CPA5: variants seen among roughly 807,000 people sequenced by gnomAD.
The protein encoded by CPA5 is testicular tissue protein Li 32.
A neutral mutation model predicts 52.2 loss-of-function variants in CPA5; 38 were observed. The ratio of observed to expected loss-of-function variants is 0.73; its 90% CI spans 0.56 to 0.95. The LOEUF (loss-of-function observed/expected upper bound fraction) is 0.95, where lower values mean the gene tolerates loss of function less well. Among genes scored for constraint, CPA5 ranks in the 40% least tolerant of loss-of-function variants. CPA5 has a pLI of 0.00. For synonymous variants in CPA5, 198 were observed against 213.7 expected (o/e 0.93, Z 0.64); for missense variants, 519 against 566.7 (o/e 0.92, Z 0.86).
intron 5 of CPA5, among the ~76,000 whole-genome samples, chr7:130,357,117 T>A (rs564419892): frequency 1.3e-5 from 2 of 152,344 alleles, no homozygotes; most frequent in East Asian, 3.9e-4. Context: ...CTGGAAAACA[T>A]CGCAACTGTA....
chr7:130,353,640 C>T (rs1465560028), intron 5 of CPA5, among the ~76,000 whole-genome samples: 3 of 152,184 alleles, frequency 2.0e-5, no homozygotes, highest in Non-Finnish European at 2.9e-5. Flanking sequence ...AACTCCCCAT[C>T]AACAACAGAT....
At chr7:130,368,763 T>C (rs782265304), downstream of CPA5, 1 of 667,148 alleles carries the variant, frequency 1.5e-6, no homozygotes, top group East Asian at 2.7e-5. Context: ...ACCACCCCTA[T>C]GGGCTCAGCA....
chr7:130,370,845 G>T (rs1796288830), downstream of CPA5, among the ~76,000 whole-genome samples: 1 of 152,224 alleles, frequency 6.6e-6, no homozygotes, highest in Non-Finnish European at 1.5e-5. Flanking sequence ...AAGGAGTTCT[G>T]AGGTATCTTC....
chr7:130,367,940 A>G lies in CPA5; in HGVS notation c.1073A>G (p.Tyr358Cys), dbSNP rs781915251. ...GCCAAGGATGCGGTGGAGGCCTTGT[A>G]TAAGGTCCATGGGATCGAGTACATT... The part of the protein sequence containing the change: ...DLAKDAVEAL[Y>C]KVHGIEYIFG... Residue 358 changes from tyrosine (Y) to cysteine (C), a missense_variant, in exon 12 of 13, where the codon TAT (tyrosine) becomes TGT (cysteine). By Grantham distance (194) the Tyr-to-Cys change is radical (BLOSUM62 -2). Coordinates refer to ENST00000474905, the MANE Select transcript of CPA5 (RefSeq NM_080385.5). 2 of 1,614,186 alleles carry G rather than the reference A, an allele frequency of 1.2e-6. No homozygotes were observed. Among genetic ancestry groups the G allele is most frequent in the Admixed American group, 1.7e-5 (1 of 60,024 alleles).
At chr7:130,358,296 A>C (rs1554405718) in intron 5 of CPA5, among the ~76,000 whole-genome samples, 1 of 152,012 alleles carries the variant, frequency 6.6e-6, no homozygotes, top group African/African-American at 2.4e-5. Context: ...ACCATGCCCA[A>C]CCTGCATATG....
chr7:130,368,712 A>C lies in CPA5; in HGVS notation c.*115A>C, dbSNP rs1796238994. 2 of 1,134,666 alleles carry C rather than the reference A, an allele frequency of 1.8e-6. No homozygotes were observed. Among genetic ancestry groups the C allele is most frequent in the African/African-American group, 3.1e-5 (2 of 64,300 alleles). 70.3% of individuals were successfully genotyped at this position (1,134,666 alleles called of 1,614,324 possible). A position where few individuals can be genotyped will look rare whatever the true frequency, so the allele number is the denominator to read the frequency against. ...CCTCATCCCGACCTCTTAGAAAATA[A>C]ATACAAGTTTGAACAGGCTTCGCTG... is the stretch of plus-strand genomic sequence containing the variant. On this transcript the variant is annotated 3_prime_UTR_variant, in exon 13 of 13. Coordinates refer to ENST00000474905, the MANE Select transcript of CPA5 (RefSeq NM_080385.5).
At chr7:130,364,423 C>T (rs13221889) in intron 10 of CPA5, among the ~76,000 whole-genome samples, 25,065 of 152,184 alleles carry the variant, frequency 0.16, 2,197 homozygotes, top group Middle Eastern at 0.19. Flanking sequence ...AAACTCCTGA[C>T]TTCAGGTGAT....
At chr7:130,369,418 C>T (rs1229591450), downstream of CPA5, among the ~76,000 whole-genome samples, 1 of 152,210 alleles carries the variant, frequency 6.6e-6, no homozygotes, top group Admixed American at 6.5e-5. Flanking sequence ...CCTTTTGCCT[C>T]TTCATTCTGT....
Position 130,359,668 on chromosome 7 carries a change from C to G in CPA5, c.413C>G (p.Ser138Ter). 2 of 1,585,058 alleles carry G rather than the reference C, an allele frequency of 1.3e-6. No homozygotes were observed. Among genetic ancestry groups the G allele is most frequent in the South Asian group, 1.2e-5 (1 of 86,306 alleles). Residue 138 changes from serine (S) to a stop codon, truncating the protein, a stop_gained, in exon 6 of 13, where the codon TCA becomes TGA. Transcript: ENST00000474905. LOFTEE classifies it high-confidence loss of function. ...AGCACCAACAGCTTCAGTTACTCAT[C>G]ATACCACACCCTGGAGGAGGTAGGT... ...ERSTNSFSYS[S>*]YHTLEEIYSW...
chr7:130,353,603 T>C (rs1054144826), intron 5 of CPA5, among the ~76,000 whole-genome samples: 9 of 152,204 alleles, frequency 5.9e-5, no homozygotes, highest in Non-Finnish European at 2.9e-5. Context: ...GACCAGAAGC[T>C]GGGAGCCATT....
intron 6 of CPA5, 79 bp from the exon 7 acceptor site, chr7:130,361,064 G>T: frequency 1.1e-6 from 1 of 884,530 alleles, no homozygotes; most frequent in East Asian, 2.4e-5. Context: ...GGAAGGGACA[G>T]GGAGAACATT....
At position 130,368,579 on chromosome 7, in the gene CPA5, C is replaced by T. The variant is rs1554409370; in HGVS notation, c.1293C>T (p.Thr431=). The stretch of plus-strand genomic sequence containing the variant: ...CGCTTCGGACCATCATGGAGCACAC[C>T]CTGAATCACCCCTACTAGCAGCACG... ...WMALRTIMEH[T]LNHPY Residue 431 remains threonine, a synonymous_variant, in exon 13 of 13, where the codon ACC becomes ACT. Coordinates refer to ENST00000474905, the MANE Select transcript of CPA5 (RefSeq NM_080385.5). 6.2e-7 allele frequency: 1 copy of T among 1,613,918 alleles called. No homozygotes were observed. The highest frequency in any genetic ancestry group is 8.5e-7 in the Non-Finnish European group (1 of 1,180,022).
intron 5 of CPA5, among the ~76,000 whole-genome samples, chr7:130,357,952 CTGTGTGTGTGTGTGTGTGTG>C (rs60840017): frequency 1.4e-5 from 2 of 139,928 alleles, no homozygotes; most frequent in Non-Finnish European, 3.1e-5. Context: ...TTTTGTGCCT[CTGTGTGTGTGTGTGTGTGTG>C]TGTGTGTGTG....
intron 11 of CPA5, 57 bp downstream of exon 11, chr7:130,367,628 A>C: frequency 6.8e-7 from 1 of 1,478,702 alleles, no homozygotes. Context: ...GAAAATCCAT[A>C]TCTGTCATAC....
intron 3 of CPA5, 103 bp downstream of exon 3, chr7:130,346,704 A>G (rs1794767205): frequency 2.2e-6 from 2 of 893,754 alleles, no homozygotes; most frequent in East Asian, 2.5e-5. Flanking sequence ...CAAGGCGGAG[A>G]GTCAGGATGT....
intron 10 of CPA5, among the ~76,000 whole-genome samples, chr7:130,366,453 A>G (rs1796091714): frequency 6.6e-6 from 1 of 152,170 alleles, no homozygotes; most frequent in South Asian, 2.1e-4. Flanking sequence ...GCAGAGGAGG[A>G]GCAGAAGAGG....
chr7:130,348,746 T>G (rs1794933627), intron 4 of CPA5, among the ~76,000 whole-genome samples: 1 of 152,180 alleles, frequency 6.6e-6, no homozygotes, highest in South Asian at 2.1e-4. Context: ...CTTGGGGATT[T>G]TGTTTGTCCC....
intron 10 of CPA5, among the ~76,000 whole-genome samples, chr7:130,363,934 G>A (rs1795936217): frequency 6.6e-6 from 1 of 152,184 alleles, no homozygotes; most frequent in African/African-American, 2.4e-5. Context: ...AAATGCCTCT[G>A]AACTCTTTCC....
chr7:130,370,889 G>T (rs117396793), downstream of CPA5, among the ~76,000 whole-genome samples: 126 of 152,312 alleles, frequency 8.3e-4, no homozygotes, highest in East Asian at 0.024. Flanking sequence ...CCTGCCTCCC[G>T]GGAAGAATAT....
Sources: gnomAD v4.1 joint callset for allele counts (sites outside exome capture counted in the v4.1 genomes callset) on GRCh38, gnomAD v4.1.1 for gene constraint, MANE v1.5 for transcripts, NCBI Gene and HGNC (gene_info 2026-07-23, HGNC 2026-07-21) for gene names.